ZBTB42: variants seen among roughly 807,000 people sequenced by gnomAD.
The protein encoded by ZBTB42 is zinc finger and BTB domain containing 42, also known as zinc finger and BTB domain-containing protein 42.
In ZBTB42, 3 loss-of-function variants were observed where a neutral mutation model predicts 4.7. That is an observed-to-expected ratio of 0.64 (90% CI 0.29 to 1.66). The LOEUF (loss-of-function observed/expected upper bound fraction) is 1.66. Ranked by LOEUF, ZBTB42 falls within the 40% of genes most tolerant of loss-of-function variation. The pLI is 0.10. For synonymous variants in ZBTB42, 255 were observed against 259.5 expected, an observed-to-expected ratio of 0.98 and a Z score of 0.17; for missense variants, 521 against 577.1, an observed-to-expected ratio of 0.90 and a Z score of 1.00.
chr14:104,802,936 T>C lies in ZBTB42; in HGVS notation c.*470T>C. ...AATTATTCACATGTCAGAAAAGTTG[T>C]TGGTGTGCGTCCCAATGGGGCGCTG... is the stretch of plus-strand genomic sequence containing the variant. On this transcript the variant is annotated 3_prime_UTR_variant, in exon 1 of 1. Transcript: ENST00000342537. This position sits in a 1 kb window ranked among gnomAD's most constrained non-coding sequence, Gnocchi z 5.9. The C allele has an allele frequency of 5.1e-6, 1 of 195,682 alleles. No individual in the cohort carries two copies. The highest frequency in any genetic ancestry group is 5.6e-5 in the Admixed American group (1 of 17,822). The allele number at this position is 195,682 out of a possible 1,614,324, so 12.1% of individuals were successfully genotyped here.
Position 104,802,072 on chromosome 14 carries a change from C to G in ZBTB42, c.875C>G (p.Pro292Arg). ...ASEDELGPGG[P>R]LCICPLCSKL... ...GAGGACGAGCTGGGGCCTGGTGGGC[C>G]CCTCTGCATCTGCCCGTTGTGCAGC... The change falls in exon 1 of 1, where the codon CCC (proline) becomes CGC (arginine). Residue 292 changes from proline to arginine, a missense_variant. Pro to Arg is a moderately radical substitution (Grantham distance 103, BLOSUM62 -2). Coordinates refer to ENST00000342537, the MANE Select transcript of ZBTB42 (RefSeq NM_001137601.3). This position sits in a 1 kb window ranked among gnomAD's most constrained non-coding sequence, Gnocchi z 5.9. 6.6e-7 allele frequency: 1 copy of G among 1,505,010 alleles called. No homozygotes were observed. The highest frequency in any genetic ancestry group is 8.9e-7 in the Non-Finnish European group (1 of 1,126,622). 93.2% of individuals were successfully genotyped at this position (1,505,010 alleles called of 1,614,324 possible). A position where few individuals can be genotyped will look rare whatever the true frequency, so the allele number is the denominator to read the frequency against.
chr14:104,804,514 G>A lies in ZBTB42; in HGVS notation c.*2048G>A, dbSNP rs1248003915. 2.4e-5 allele frequency: 4 copies of A among 166,980 alleles called. No homozygotes were observed. 10.3% of individuals were successfully genotyped at this position (166,980 alleles called of 1,614,324 possible). The stretch of plus-strand genomic sequence containing the variant: ...TTAGTAGAGGCCTGTGCAGACACAA[G>A]GCAAACAGCGTCAGCAGCGTGGGGG... On this transcript the variant is annotated 3_prime_UTR_variant, in exon 1 of 1. Transcript: ENST00000342537.
chr14:104,801,360 G>C lies in ZBTB42; in HGVS notation c.163G>C (p.Asp55His). The C allele has an allele frequency of 1.3e-6, 2 of 1,547,700 alleles. No homozygotes were observed. Among genetic ancestry groups the C allele is most frequent in the Non-Finnish European group, 1.7e-6 (2 of 1,145,626 alleles). ...CGTCTACTTCCATCTCTTCTACAGG[G>C]ACCGGCCCGCGGGCAGTCGCGACAC... ...CSVYFHLFYR[D>H]RPAGSRDTVR... Residue 55 changes from aspartate (D) to histidine (H), a missense_variant, in exon 1 of 1, where the codon GAC becomes CAC. By Grantham distance (81) the Asp-to-His change is moderately conservative. Coordinates refer to ENST00000342537, the MANE Select transcript of ZBTB42 (RefSeq NM_001137601.3). This position sits in a 1 kb window ranked among gnomAD's most constrained non-coding sequence, Gnocchi z 4.4.
chr14:104,801,857 G>A lies in ZBTB42; in HGVS notation c.660G>A (p.Gln220=), dbSNP rs1458380738. 1 of 1,550,050 alleles carries A rather than the reference G, an allele frequency of 6.5e-7. No homozygotes were observed. The highest frequency in any genetic ancestry group is 8.7e-7 in the Non-Finnish European group (1 of 1,146,898). The change falls in exon 1 of 1, where the codon CAG becomes CAA. Residue 220 remains glutamine, a synonymous_variant. Coordinates refer to ENST00000342537, the MANE Select transcript of ZBTB42 (RefSeq NM_001137601.3). This position sits in a 1 kb window ranked among gnomAD's most constrained non-coding sequence, Gnocchi z 4.4. ...PLCSQRQPGA[Q]PLVKDERDSL... The stretch of plus-strand genomic sequence containing the variant: ...GCAGCCAGAGGCAGCCAGGGGCCCA[G>A]CCACTGGTGAAGGACGAACGGGACT...
upstream of ZBTB42, chr14:104,801,010 A>C: frequency 2.9e-5 from 17 of 595,256 alleles, no homozygotes; most frequent in Non-Finnish European, 4.1e-5. This position sits in a 1 kb window ranked among gnomAD's most constrained non-coding sequence, Gnocchi z 4.4. Flanking sequence ...CGGAGCTGCT[A>C]CTGTTTACTT....
rs1555386426 is a variant in ZBTB42, at chr14:104,804,148, G to GTGTGGGTGTGTGTGTGT, written c.*1682_*1683insTGTGGGTGTGTGTGTGT. Reference sequence around the variant, plus strand: ...TGATGTGCTCCATAATCGGGTGGGGGGTGTGTGTGTGTGTGTGTGTGTGTG... The same window carrying GTGTGGGTGTGTGTGTGT: ...TGATGTGCTCCATAATCGGGTGGGGGTGTGGGTGTGTGTGTGTGTGTGTGTGTGTGTGTGTGTGTGTG... On this transcript the variant is annotated 3_prime_UTR_variant, in exon 1 of 1. Coordinates refer to ENST00000342537, the MANE Select transcript of ZBTB42 (RefSeq NM_001137601.3). The GTGTGGGTGTGTGTGTGT allele has an allele frequency of 1.3e-5, 2 of 156,722 alleles. No homozygotes were observed. Among genetic ancestry groups the GTGTGGGTGTGTGTGTGT allele is most frequent in the African/African-American group, 5.2e-5 (2 of 38,542 alleles). 9.7% of individuals were successfully genotyped at this position (156,722 alleles called of 1,614,324 possible). A position where few individuals can be genotyped will look rare whatever the true frequency, so the allele number is the denominator to read the frequency against.
upstream of ZBTB42, chr14:104,801,079 C>A: frequency 1.2e-5 from 16 of 1,309,918 alleles, no homozygotes; most frequent in Non-Finnish European, 1.6e-5. This position sits in a 1 kb window ranked among gnomAD's most constrained non-coding sequence, Gnocchi z 4.4. Flanking sequence ...CGGGAGGTTG[C>A]GCGCGTCACT....
At position 104,802,511 on chromosome 14, in the gene ZBTB42, G is replaced by T. The variant is rs780867311; in HGVS notation, c.*45G>T. ...AGGGTGGGGTGGAAGGGAAGGGATGGGCCCTCCCAGGTGGGACACAGCATG... is the reference window on the plus strand; with the variant it reads ...AGGGTGGGGTGGAAGGGAAGGGATGTGCCCTCCCAGGTGGGACACAGCATG... On this transcript the variant is annotated 3_prime_UTR_variant, in exon 1 of 1. Coordinates refer to ENST00000342537, the MANE Select transcript of ZBTB42 (RefSeq NM_001137601.3). This position sits in a 1 kb window ranked among gnomAD's most constrained non-coding sequence, Gnocchi z 5.9. 2 of 1,519,540 alleles carry T rather than the reference G, an allele frequency of 1.3e-6. No homozygotes were observed. Among genetic ancestry groups the T allele is most frequent in the Non-Finnish European group, 1.8e-6 (2 of 1,129,620 alleles). 94.1% of individuals were successfully genotyped at this position (1,519,540 alleles called of 1,614,324 possible).
chr14:104,800,754 C>G (rs986650288), upstream of ZBTB42: 19 of 146,842 alleles, frequency 1.3e-4, no homozygotes, highest in Non-Finnish European at 2.9e-4. The surrounding 1 kb of genome is among the most constrained non-coding windows in gnomAD (Gnocchi z 5.3). Flanking sequence ...CCCGCCGGCC[C>G]TCTCCCCGCT....
chr14:104,801,344 C>A lies in ZBTB42; in HGVS notation c.147C>A (p.Phe49Leu). The A allele has an allele frequency of 6.5e-7, 1 of 1,548,638 alleles. No individual in the cohort carries two copies. The highest frequency in any genetic ancestry group is 8.7e-7 in the Non-Finnish European group (1 of 1,146,300). The change falls in exon 1 of 1, where the codon TTC (phenylalanine) becomes TTA (leucine). Residue 49 changes from phenylalanine to leucine, a missense_variant. By Grantham distance (22) the Phe-to-Leu change is conservative (BLOSUM62 0). Transcript: ENST00000342537. This position sits in a 1 kb window ranked among gnomAD's most constrained non-coding sequence, Gnocchi z 4.4. Reference sequence around the variant, plus strand: ...TGCTGGCCGCGTGCAGCGTCTACTTCCATCTCTTCTACAGGGACCGGCCCG... The same window carrying A: ...TGCTGGCCGCGTGCAGCGTCTACTTACATCTCTTCTACAGGGACCGGCCCG... ...RAVLAACSVY[F>L]HLFYRDRPAG...
Position 104,801,225 on chromosome 14 carries a change from C to T in ZBTB42, c.28C>T (p.Leu10=). The change falls in exon 1 of 1, where the codon CTG becomes TTG. Residue 10 remains leucine, a synonymous_variant. Coordinates refer to ENST00000342537, the MANE Select transcript of ZBTB42 (RefSeq NM_001137601.3). This position sits in a 1 kb window ranked among gnomAD's most constrained non-coding sequence, Gnocchi z 4.4. The stretch of plus-strand genomic sequence containing the variant: ...GGAGTTCCCTGAGCACGGCGGACGG[C>T]TGCTGGGCCGCCTGAGACAGCAGCG... MEFPEHGGR[L]LGRLRQQREL... The T allele has an allele frequency of 6.9e-7, 1 of 1,459,516 alleles. No homozygotes were observed. The allele number at this position is 1,459,516 out of a possible 1,614,324, so 90.4% of individuals were successfully genotyped here. A position where few individuals can be genotyped will look rare whatever the true frequency, so the allele number is the denominator to read the frequency against.
chr14:104,801,405 A>T lies in ZBTB42; in HGVS notation c.208A>T (p.Ile70Phe), dbSNP rs1407860620. 2 of 1,548,014 alleles carry T rather than the reference A, an allele frequency of 1.3e-6. No individual in the cohort carries two copies. Among genetic ancestry groups the T allele is most frequent in the East Asian group, 4.9e-5 (2 of 40,852 alleles). ...SRDTVRLNGD[I>F]VTAPAFGRLL... is the part of the protein sequence containing the mutation. ...CGACACGGTGCGGCTCAACGGCGAC[A>T]TCGTCACGGCGCCCGCCTTCGGCCG... Residue 70 changes from isoleucine (I) to phenylalanine (F), a missense_variant, in exon 1 of 1, where the codon ATC becomes TTC. Coordinates refer to ENST00000342537, the MANE Select transcript of ZBTB42 (RefSeq NM_001137601.3). The surrounding 1 kb of genome is among the most constrained non-coding windows in gnomAD (Gnocchi z 4.4).
At chr14:104,800,570 C>G (rs1894015262), upstream of ZBTB42, 1 of 147,854 alleles carries the variant, frequency 6.8e-6, no homozygotes, top group South Asian at 2.1e-4. This position sits in a 1 kb window ranked among gnomAD's most constrained non-coding sequence, Gnocchi z 5.3. Context: ...GAGCGCGCCC[C>G]GCCCGGCGCC....
Position 104,801,449 on chromosome 14 carries a change from C to T in ZBTB42, c.252C>T (p.Tyr84=), listed in dbSNP as rs1290154864. 4 of 1,549,982 alleles carry T rather than the reference C, an allele frequency of 2.6e-6. No homozygotes were observed. The highest frequency in any genetic ancestry group is 1.7e-4 in the Middle Eastern group (1 of 5,992). ...TCGGCCGCCTACTGGACTTCATGTA[C>T]GAGGGCCGCCTGGACCTGCGCAGCC... ...PAFGRLLDFM[Y]EGRLDLRSLP... Residue 84 remains tyrosine, a synonymous_variant, in exon 1 of 1, where the codon TAC becomes TAT. Transcript: ENST00000342537. The surrounding 1 kb of genome is among the most constrained non-coding windows in gnomAD (Gnocchi z 4.4).
upstream of ZBTB42, chr14:104,800,963 G>A (rs1175806794): frequency 2.4e-6 from 1 of 422,544 alleles, no homozygotes; most frequent in African/African-American, 2.1e-5. This position sits in a 1 kb window ranked among gnomAD's most constrained non-coding sequence, Gnocchi z 5.3. Flanking sequence ...GCGCGGCTCC[G>A]GCTCCTGCGC....
In ZBTB42 at chr14:104,801,213, C is replaced by A; in HGVS notation, c.16C>A (p.His6Asn). MEFPE[H>N]GGRLLGRLRQ... The stretch of plus-strand genomic sequence containing the variant: ...CGGCGGCGGCATGGAGTTCCCTGAG[C>A]ACGGCGGACGGCTGCTGGGCCGCCT... The change falls in exon 1 of 1, where the codon CAC (histidine) becomes AAC (asparagine). Residue 6 changes from histidine to asparagine, a missense_variant. His to Asn is a moderately conservative substitution (Grantham distance 68). Transcript: ENST00000342537. This position sits in a 1 kb window ranked among gnomAD's most constrained non-coding sequence, Gnocchi z 4.4. The A allele has an allele frequency of 6.9e-7, 1 of 1,440,958 alleles. No individual in the cohort carries two copies. The highest frequency in any genetic ancestry group is 1.5e-5 in the South Asian group (1 of 68,632). The allele number at this position is 1,440,958 out of a possible 1,614,324, so 89.3% of individuals were successfully genotyped here. A position where few individuals can be genotyped will look rare whatever the true frequency, so the allele number is the denominator to read the frequency against.
rs1490346506 is a variant in ZBTB42, at chr14:104,801,596, G to C, written c.399G>C (p.Gly133=). The change falls in exon 1 of 1, where the codon GGG becomes GGC. Residue 133 remains glycine (G), a synonymous_variant. Transcript: ENST00000342537. The surrounding 1 kb of genome is among the most constrained non-coding windows in gnomAD (Gnocchi z 4.4). ...TGGACCCGGGGAACCCTGCCCCTGGGGCAGAACCTGCTCAGCCACCGTGCC... is the reference window on the plus strand; with the variant it reads ...TGGACCCGGGGAACCCTGCCCCTGGCGCAGAACCTGCTCAGCCACCGTGCC... ...RSLDPGNPAP[G]AEPAQPPCPW... The C allele has an allele frequency of 5.8e-6, 9 of 1,549,690 alleles. No individual in the cohort carries two copies. Among genetic ancestry groups the C allele is most frequent in the Non-Finnish European group, 7.8e-6 (9 of 1,146,616 alleles).
At position 104,802,560 on chromosome 14, in the gene ZBTB42, A is replaced by C; in HGVS notation, c.*94A>C. The C allele has an allele frequency of 2.0e-6, 3 of 1,468,298 alleles. No individual in the cohort carries two copies. Among genetic ancestry groups the C allele is most frequent in the Non-Finnish European group, 2.7e-6 (3 of 1,101,904 alleles). The allele number at this position is 1,468,298 out of a possible 1,614,324, so 91.0% of individuals were successfully genotyped here. A position where few individuals can be genotyped will look rare whatever the true frequency, so the allele number is the denominator to read the frequency against. On this transcript the variant is annotated 3_prime_UTR_variant, in exon 1 of 1. Transcript: ENST00000342537. The surrounding 1 kb of genome is among the most constrained non-coding windows in gnomAD (Gnocchi z 5.9). Reference sequence around the variant, plus strand: ...TGGGGTGTGAAGCCTGACCAGGTGGAGGTCCCTGCTTGGGCCAGATGGCTC... The same window carrying C: ...TGGGGTGTGAAGCCTGACCAGGTGGCGGTCCCTGCTTGGGCCAGATGGCTC...
Position 104,802,610 on chromosome 14 carries a change from G to A in ZBTB42, c.*144G>A. On this transcript the variant is annotated 3_prime_UTR_variant, in exon 1 of 1. Transcript: ENST00000342537. This position sits in a 1 kb window ranked among gnomAD's most constrained non-coding sequence, Gnocchi z 5.9. ...CCACCCTCCTGGCAGAGAGAATGCTGCCTCTTCCTGGAACTTGGCCTCAGA... is the reference window on the plus strand; with the variant it reads ...CCACCCTCCTGGCAGAGAGAATGCTACCTCTTCCTGGAACTTGGCCTCAGA... The A allele has an allele frequency of 8.0e-7, 1 of 1,252,824 alleles. No homozygotes were observed. Among genetic ancestry groups the A allele is most frequent in the Non-Finnish European group, 1.1e-6 (1 of 920,202 alleles). The allele number at this position is 1,252,824 out of a possible 1,614,324, so 77.6% of individuals were successfully genotyped here.
Sources: gnomAD v4.1 joint callset for allele counts on GRCh38, gnomAD v4.1.1 for gene constraint, Gnocchi (gnomAD v3.1) non-coding constraint, MANE v1.5 for transcripts, NCBI Gene and HGNC (gene_info 2026-07-23, HGNC 2026-07-21) for gene names.